SLC8A1: variants seen among roughly 807,000 people sequenced by gnomAD.
SLC8A1 encodes sodium/calcium exchanger 1.
SLC8A1 carries 18 observed loss-of-function variants against 68.3 expected under a neutral mutation model. The observed-to-expected ratio is 0.26, with a 90% CI of 0.18 to 0.39. The LOEUF is 0.39. Ranked by LOEUF, SLC8A1 falls within the 10% of genes least tolerant of loss-of-function variation. The probability of loss-of-function intolerance (pLI) is 1.00; values close to 1 mark genes in which losing one functional copy is unlikely to be tolerated. For synonymous variants in SLC8A1, 475 were observed against 415.5 expected, an observed-to-expected ratio of 1.14 and a Z score of -1.74; for missense variants, 985 against 1,156.7, an observed-to-expected ratio of 0.85 and a Z score of 2.15.
At chr2:40,428,290 G>A (rs931044089) in intron 2 of SLC8A1, among the ~76,000 whole-genome samples, 183 bp downstream of exon 2, 2 of 152,014 alleles carry the variant, frequency 1.3e-5, no homozygotes, top group African/African-American at 2.4e-5. Flanking sequence ...TCTGTGTGCA[G>A]AGCATATTGA....
At chr2:40,292,020 A>T (rs1438055761) in intron 2 of SLC8A1, among the ~76,000 whole-genome samples, 1 of 151,938 alleles carries the variant, frequency 6.6e-6, no homozygotes, top group Non-Finnish European at 1.5e-5. Flanking sequence ...CTTCTAGCAC[A>T]TGCAGGTAGC....
chr2:40,113,706 A>T (rs1433975314), exon 8 of SLC8A1: 1 of 152,708 alleles, frequency 6.5e-6, no homozygotes, highest in Non-Finnish European at 1.5e-5. Context: ...GACAGTGCAG[A>T]TGTGAAATAA....
intron 7 of SLC8A1, among the ~76,000 whole-genome samples, chr2:40,128,797 TAG>T (rs1199771478): frequency 6.6e-6 from 1 of 152,176 alleles, no homozygotes; most frequent in Non-Finnish European, 1.5e-5. Flanking sequence ...TACAAATATA[TAG>T]AGAGAGATTC....
intron 2 of SLC8A1, among the ~76,000 whole-genome samples, chr2:40,344,363 C>T (rs1468629334): frequency 1.3e-5 from 2 of 152,046 alleles, no homozygotes; most frequent in African/African-American, 4.8e-5. Flanking sequence ...AAGGAACATG[C>T]TTTGGAGGGA....
At chr2:40,435,424 C>G (rs1699199182) in intron 1 of SLC8A1, among the ~76,000 whole-genome samples, 1 of 151,848 alleles carries the variant, frequency 6.6e-6, no homozygotes, top group African/African-American at 2.4e-5. Flanking sequence ...AAAAAAAAAC[C>G]TCATTTACAC....
chr2:40,164,877 T>G, exon 5 of SLC8A1: 1 of 1,613,980 alleles, frequency 6.2e-7, no homozygotes, highest in Non-Finnish European at 8.5e-7. Flanking sequence ...GATTCTTCAA[T>G]GATCACTTCC....
At chr2:40,294,561 G>C (rs1044500878) in intron 2 of SLC8A1, among the ~76,000 whole-genome samples, 1 of 152,036 alleles carries the variant, frequency 6.6e-6, no homozygotes, top group African/African-American at 2.4e-5. Flanking sequence ...GGGAGAGAGA[G>C]GGAGAGAGAG....
At chr2:40,181,769 C>T (rs138711741) in intron 2 of SLC8A1, among the ~76,000 whole-genome samples, 106 of 152,282 alleles carry the variant, frequency 7.0e-4, no homozygotes, top group African/African-American at 2.3e-3. Flanking sequence ...CAATTTCTCC[C>T]CTTAGCAAAG....
At chr2:40,169,600 G>A (rs1467711076) in intron 4 of SLC8A1, among the ~76,000 whole-genome samples, 1 of 152,114 alleles carries the variant, frequency 6.6e-6, no homozygotes. Flanking sequence ...CATGTTGCCT[G>A]GGGGCAGCAA....
At chr2:40,131,035 G>A (rs765554) in intron 7 of SLC8A1, among the ~76,000 whole-genome samples, 85,720 of 152,062 alleles carry the variant, frequency 0.56, 24,653 homozygotes, top group Middle Eastern at 0.68. Flanking sequence ...TAGAAAGTAA[G>A]GGAGATCCAA....
intron 4 of SLC8A1, among the ~76,000 whole-genome samples, chr2:40,171,544 T>C (rs529499100): frequency 6.6e-6 from 1 of 152,314 alleles, no homozygotes; most frequent in South Asian, 2.1e-4. Context: ...AATGATGGAA[T>C]TTATTAGATA....
chr2:40,305,595 C>T (rs2072419237), intron 2 of SLC8A1, among the ~76,000 whole-genome samples: 1 of 152,146 alleles, frequency 6.6e-6, no homozygotes, highest in African/African-American at 2.4e-5. Context: ...ACAGTGTGTG[C>T]TCAATAAGTT....
At chr2:40,375,689 T>A (rs1032156090) in intron 2 of SLC8A1, among the ~76,000 whole-genome samples, 3 of 152,186 alleles carry the variant, frequency 2.0e-5, no homozygotes, top group African/African-American at 7.2e-5. Context: ...AACAAGTTAA[T>A]CACTTGACAA....
At chr2:40,264,741 C>G (rs1004166131) in intron 2 of SLC8A1, among the ~76,000 whole-genome samples, 1 of 152,224 alleles carries the variant, frequency 6.6e-6, no homozygotes, top group East Asian at 1.9e-4. Flanking sequence ...GGAGATATAC[C>G]TAATGTTAAA....
At chr2:40,289,862 AAAATT>A (rs201875232) in intron 2 of SLC8A1, among the ~76,000 whole-genome samples, 4,144 of 151,812 alleles carry the variant, frequency 0.027, 183 homozygotes, top group African/African-American at 0.095. Context: ...CTCAGTCTCA[AAAATT>A]AAATTAAATT....
rs1667871438 is a variant in SLC8A1 at position 40,342,086 on chromosome 2, AG to A, written c.1808+86386del. ...GTTTGATTCACTTTATTACTGATAC[AG>A]GTCCAAGAGTTAGTAAAGTTTCTTG... On this transcript the variant is annotated intron_variant, in intron 2 of 7. Coordinates refer to ENST00000406785, the Ensembl canonical transcript of SLC8A1. 2.6e-5 allele frequency among the ~76,000 whole-genome samples: 4 copies of A among 152,274 alleles called. No individual in the cohort carries two copies. In the South Asian group the frequency reaches 8.3e-4, roughly 32 times the overall value.
In SLC8A1 at chr2:40,430,320, TG is replaced by T; in HGVS notation, c.-24-17del. 3 of 1,558,748 alleles carry T rather than the reference TG, an allele frequency of 1.9e-6. No individual in the cohort carries two copies. The highest frequency in any genetic ancestry group is 3.5e-4 in the Middle Eastern group (2 of 5,678). ...TCACAACCTACTGGTAAAAATAAGA[TG>T]GGGGAGAGGGCAGAAAAAAAGTCAT... is the stretch of plus-strand genomic sequence containing the variant. On this transcript the variant is annotated splice_polypyrimidine_tract_variant and intron_variant, in intron 1 of 7. Coordinates refer to ENST00000406785, the Ensembl canonical transcript of SLC8A1.
intron 2 of SLC8A1, among the ~76,000 whole-genome samples, chr2:40,371,808 G>A (rs190391504): frequency 3.3e-5 from 5 of 152,202 alleles, no homozygotes; most frequent in African/African-American, 1.2e-4. Context: ...GGCAGATTCT[G>A]AGGCTGTGAC....
chr2:40,184,716 T>C (rs388470), intron 2 of SLC8A1, among the ~76,000 whole-genome samples: 96,014 of 151,528 alleles, frequency 0.63, 31,165 homozygotes, highest in Middle Eastern at 0.79. Context: ...GAACTGGAAC[T>C]TTCCCACATG....
Sources: gnomAD v4.1 joint callset for allele counts (sites outside exome capture counted in the v4.1 genomes callset) on GRCh38, gnomAD v4.1.1 for gene constraint, MANE v1.5 for transcripts, NCBI Gene and HGNC (gene_info 2026-07-23, HGNC 2026-07-21) for gene names.